Variants in HLA-DQB1 observed in about 807,000 individuals in gnomAD.
HLA-DQB1 encodes major histocompatibility complex, class II, DQ beta 1.
In HLA-DQB1, 13 loss-of-function variants were observed where a neutral mutation model predicts 26.4. The ratio of observed to expected loss-of-function variants is 0.49; its 90% confidence interval spans 0.32 to 0.78. The LOEUF is 0.78. Ranked by LOEUF, HLA-DQB1 falls within the 30% of genes least tolerant of loss-of-function variation. HLA-DQB1 has a pLI of 0.03. For synonymous variants in HLA-DQB1, 60 were observed against 129.1 expected (o/e 0.46, Z 3.63); for missense variants, 158 against 326.2 (o/e 0.48, Z 3.97).
At chr6:32,666,059 A>T (rs41264352) in intron 1 of HLA-DQB1, among the ~76,000 whole-genome samples, 1 of 110,978 alleles carries the variant, frequency 9.0e-6, no homozygotes, top group African/African-American at 3.4e-5. Context: ...AATAGAGACA[A>T]ATTTTCCTCA....
intron 3 of HLA-DQB1, 116 bp from the exon 4 acceptor site, chr6:32,661,573 C>T (rs9273726): frequency 1.6e-6 from 1 of 634,014 alleles, no homozygotes; most frequent in Non-Finnish European, 2.5e-6. Flanking sequence ...ACCTAGTTCT[C>T]CATTCAGACC....
At chr6:32,665,093 TCAGGCCCCAGC>T (rs751097914) in intron 1 of HLA-DQB1, 26 bp from the exon 2 acceptor site, 2 of 1,111,684 alleles carry the variant, frequency 1.8e-6, no homozygotes, top group East Asian at 2.9e-5. Context: ...GGCCGGTCAG[TCAGGCCCCAGC>T]CCGGCCGCCC....
At chr6:32,662,689 CCTCT>C (rs1783267285) in intron 2 of HLA-DQB1, 1 of 68,394 alleles carries the variant, frequency 1.5e-5, no homozygotes, top group Non-Finnish European at 3.1e-5. Context: ...TCTTTCCCCG[CCTCT>C]TTTACACATC....
intron 1 of HLA-DQB1, among the ~76,000 whole-genome samples, chr6:32,665,276 T>G (rs9274429): frequency 0.75 from 93,353 of 124,454 alleles, 36,801 homozygotes; most frequent in East Asian, 0.91. Flanking sequence ...CCTTCCTACA[T>G]CCAGGAAAGG....
rs117944321 is a variant in HLA-DQB1 at position 32,665,361 on chromosome 6, G to A, written c.110-294C>T. 0.016 allele frequency among the ~76,000 whole-genome samples: 2,268 copies of A among 141,392 alleles called. 302 individuals carry two copies. The South Asian group carries it at 0.17, about 11-fold the overall frequency. The allele number at this position is 141,392 out of a possible 152,430, so 92.8% of individuals were successfully genotyped here. ...TCGGGCTGATTTTACATGCACCTCT[G>A]CACTTAGAGGGATCAGGGCGTTCTC... On this transcript the variant is annotated intron_variant, in intron 1 of 4. Coordinates refer to ENST00000434651, the Ensembl canonical transcript of HLA-DQB1.
At chr6:32,661,603 AC>A (rs869240055) in intron 3 of HLA-DQB1, 146 bp from the exon 4 acceptor site, 14,724 of 478,434 alleles carry the variant, frequency 0.031, 3,322 homozygotes, top group East Asian at 0.24. Context: ...GAGGGGAAAG[AC>A]CAGCCAATAG....
At chr6:32,660,401 G>T in intron 4 of HLA-DQB1, 152 bp from the exon 5 acceptor site, 1 of 427,262 alleles carries the variant, frequency 2.3e-6, no homozygotes. Flanking sequence ...GTGCAAAGGT[G>T]AAATCAGCTC....
Position 32,666,596 on chromosome 6 carries a change from CT to C in HLA-DQB1, c.11del (p.Lys4ArgfsTer12). On this transcript the variant is annotated frameshift_variant, in exon 1 of 5. Transcript: ENST00000434651. LOFTEE classifies it high-confidence loss of function. Reference sequence around the variant, plus strand: ...GGTCTCCGGGGATCCGCAAAGCCTTCTTCCAAGACATAACTGAGACGAAGGG... The same window carrying C: ...GGTCTCCGGGGATCCGCAAAGCCTTCTCCAAGACATAACTGAGACGAAGGG... 9.3e-7 allele frequency: 1 copy of C among 1,077,658 alleles called. No homozygotes were observed. Among genetic ancestry groups the C allele is most frequent in the East Asian group, 2.8e-5 (1 of 36,218 alleles). The allele number at this position is 1,077,658 out of a possible 1,614,324, so 66.8% of individuals were successfully genotyped here. A position where few individuals can be genotyped will look rare whatever the true frequency, so the allele number is the denominator to read the frequency against.
intron 1 of HLA-DQB1, among the ~76,000 whole-genome samples, chr6:32,665,287 G>A (rs281861871): frequency 7.4e-6 from 1 of 134,498 alleles, no homozygotes; most frequent in Non-Finnish European, 1.6e-5. Flanking sequence ...CCAGGAAAGG[G>A]AGGAAAGCCC....
chr6:32,661,387 G>A, exon 4 of HLA-DQB1: 1 of 1,253,834 alleles, frequency 8.0e-7, no homozygotes, highest in African/African-American at 1.5e-5. Context: ...CCAGCCCAAG[G>A]AAGATCAGCC....
chr6:32,666,450 A>C (rs183607390), intron 1 of HLA-DQB1, 49 bp downstream of exon 1: 1 of 680,432 alleles, frequency 1.5e-6, no homozygotes, highest in Non-Finnish European at 2.5e-6. Flanking sequence ...GCCCAAGGAG[A>C]GCCTGTTCCC....
chr6:32,664,641 A>G (rs281862211), intron 2 of HLA-DQB1, 157 bp downstream of exon 2: 9,512 of 236,738 alleles, frequency 0.04, 2,857 homozygotes, highest in South Asian at 0.24. Flanking sequence ...CGCCCCTCCG[A>G]TGCACCTGCC....
chr6:32,660,300 GCCA>G (rs1461876523), intron 4 of HLA-DQB1, 51 bp from the exon 5 acceptor site: 1 of 950,594 alleles, frequency 1.1e-6, no homozygotes, highest in Non-Finnish European at 1.5e-6. Flanking sequence ...TGGTGGGCCT[GCCA>G]TCTCCCCCAC....
At chr6:32,665,242 T>TGCCCGCTC (rs1783877638) in intron 1 of HLA-DQB1, among the ~76,000 whole-genome samples, 175 bp from the exon 2 acceptor site, 1 of 127,938 alleles carries the variant, frequency 7.8e-6, no homozygotes, top group Admixed American at 8.0e-5. Flanking sequence ...TCTGCCCGCC[T>TGCCCGCTC]TCTTTGCGGG....
intron 2 of HLA-DQB1, chr6:32,663,950 A>G (rs281862772): frequency 1.6e-5 from 1 of 61,784 alleles, no homozygotes; most frequent in Non-Finnish European, 3.4e-5. Flanking sequence ...TTTTATTTTT[A>G]GCAAACACAT....
At chr6:32,665,231 C>T (rs281861914) in intron 1 of HLA-DQB1, among the ~76,000 whole-genome samples, 164 bp from the exon 2 acceptor site, 2 of 136,310 alleles carry the variant, frequency 1.5e-5, no homozygotes, top group Non-Finnish European at 3.2e-5. Flanking sequence ...CTCTGCCCAG[C>T]TCTGCCCGCC....
chr6:32,659,876 A>G (rs1187716689), exon 5 of HLA-DQB1: 3 of 167,760 alleles, frequency 1.8e-5, no homozygotes, highest in Non-Finnish European at 3.8e-5. Flanking sequence ...AAGAAAGTTC[A>G]GAATACAGAT....
In HLA-DQB1 at chr6:32,665,128, C is replaced by T. The variant is rs1186271541; in HGVS notation, c.110-61G>A. The T allele has an allele frequency of 2.6e-5, 26 of 993,498 alleles. 4 individuals carry two copies. The highest frequency in any genetic ancestry group is 1.9e-5 in the Non-Finnish European group (14 of 718,368). 61.5% of individuals were successfully genotyped at this position (993,498 alleles called of 1,614,324 possible). ...GCCCGGCCGCCCCCGCAGCCGCCGC[C>T]CTGACCCGGCCTGGAGCTGTGGAAC... On this transcript the variant is annotated intron_variant, in intron 1 of 4. Coordinates refer to ENST00000434651, the Ensembl canonical transcript of HLA-DQB1.
exon 1 of HLA-DQB1, chr6:32,666,523 G>C (rs1130366): frequency 0.22 from 220,898 of 1,000,932 alleles, 50,002 homozygotes; most frequent in South Asian, 0.44. Flanking sequence ...CCCTCAGCCA[G>C]TAGGGAGCTC....
Sources: gnomAD v4.1 joint callset for allele counts (sites outside exome capture counted in the v4.1 genomes callset) on GRCh38, gnomAD v4.1.1 for gene constraint, MANE v1.5 for transcripts, NCBI Gene and HGNC (gene_info 2026-07-23, HGNC 2026-07-21) for gene names.